The following ZFPM2 variants were observed in gnomAD, a reference collection of about 807,000 sequenced individuals.
The protein encoded by ZFPM2 is zinc finger protein, FOG family member 2.
ZFPM2 carries 20 observed loss-of-function variants against 98.6 expected under a neutral mutation model. The ratio of observed to expected loss-of-function variants is 0.20; its 90% CI spans 0.14 to 0.29. ZFPM2 has a LOEUF of 0.29. ZFPM2 is among the 10% of genes least tolerant of loss of function. The pLI is 1.00. For synonymous variants in ZFPM2, 518 were observed against 502.7 expected, an observed-to-expected ratio of 1.03 and a Z score of -0.41; for missense variants, 1,310 against 1,388.6, an observed-to-expected ratio of 0.94 and a Z score of 0.90.
chr8:105,617,641 G>A (rs1468593932), intron 4 of ZFPM2, among the ~76,000 whole-genome samples: 1 of 152,132 alleles, frequency 6.6e-6, no homozygotes, highest in African/African-American at 2.4e-5. Context: ...GTGAGGCTGT[G>A]TTATGGTGAG....
intron 5 of ZFPM2, among the ~76,000 whole-genome samples, chr8:105,680,730 T>C (rs1233467221): frequency 2.0e-5 from 3 of 152,178 alleles, no homozygotes; most frequent in Admixed American, 6.5e-5. Context: ...AAAGAATATC[T>C]TGGGTCCTTG....
chr8:105,373,218 A>T (rs1268760442), intron 1 of ZFPM2, among the ~76,000 whole-genome samples: 1 of 152,184 alleles, frequency 6.6e-6, no homozygotes, highest in Non-Finnish European at 1.5e-5. Context: ...AAGAGTCAAA[A>T]CAACCCATAT....
chr8:105,800,761 C>T (rs1447978400), intron 7 of ZFPM2, among the ~76,000 whole-genome samples: 3 of 152,108 alleles, frequency 2.0e-5, no homozygotes, highest in African/African-American at 7.2e-5. Flanking sequence ...TAATCAATTC[C>T]TTTAGCCTCC....
chr8:105,335,016 A>G (rs901048064), intron 1 of ZFPM2, among the ~76,000 whole-genome samples: 15 of 151,730 alleles, frequency 9.9e-5, no homozygotes, highest in African/African-American at 3.4e-4. Flanking sequence ...GAAAGGTTTT[A>G]ATTCATAAAT....
chr8:105,454,444 A>C (rs1586384610), intron 3 of ZFPM2, among the ~76,000 whole-genome samples: 1 of 152,260 alleles, frequency 6.6e-6, no homozygotes, highest in East Asian at 1.9e-4. Flanking sequence ...GCCCCACTGG[A>C]TGCTCCAATG....
chr8:105,723,320 A>G (rs1402386508), intron 5 of ZFPM2, among the ~76,000 whole-genome samples: 1 of 151,832 alleles, frequency 6.6e-6, no homozygotes. Flanking sequence ...ATGACGGCAT[A>G]TTCAGTGGTA....
chr8:105,778,651 A>T (rs759783927), intron 5 of ZFPM2, among the ~76,000 whole-genome samples: 1 of 152,198 alleles, frequency 6.6e-6, no homozygotes, highest in Non-Finnish European at 1.5e-5. Context: ...TCAGTTGACC[A>T]TCTTTTTCCA....
At chr8:105,538,816 A>G (rs934088556) in intron 3 of ZFPM2, among the ~76,000 whole-genome samples, 2 of 152,112 alleles carry the variant, frequency 1.3e-5, no homozygotes, top group Admixed American at 6.6e-5. Flanking sequence ...ATTTGAGACG[A>G]GCCTGGGCAG....
chr8:105,678,168 G>C (rs1201194795), intron 5 of ZFPM2, among the ~76,000 whole-genome samples: 1 of 152,146 alleles, frequency 6.6e-6, no homozygotes, highest in Non-Finnish European at 1.5e-5. Flanking sequence ...TGCAGTGAAA[G>C]AAAGAAGCAG....
chr8:105,716,714 T>C (rs559035074), intron 5 of ZFPM2, among the ~76,000 whole-genome samples: 1 of 152,116 alleles, frequency 6.6e-6, no homozygotes, highest in East Asian at 1.9e-4. Context: ...GGCCACCTCA[T>C]GTGCTTTTTC....
intron 3 of ZFPM2, among the ~76,000 whole-genome samples, chr8:105,455,664 T>TC (rs1309922221): frequency 1.3e-5 from 2 of 152,188 alleles, no homozygotes; most frequent in African/African-American, 4.8e-5. Flanking sequence ...ACTGGCCTTA[T>TC]CAAGAGATCA....
At chr8:105,441,155 A>G (rs547338645) in intron 2 of ZFPM2, among the ~76,000 whole-genome samples, 18 of 151,768 alleles carry the variant, frequency 1.2e-4, no homozygotes, top group African/African-American at 4.4e-4. Flanking sequence ...ACTCCATCTC[A>G]AAACAAAAAC....
intron 1 of ZFPM2, among the ~76,000 whole-genome samples, chr8:105,412,619 G>A (rs916061713): frequency 2.0e-5 from 3 of 151,530 alleles, no homozygotes; most frequent in African/African-American, 7.3e-5. Context: ...TAGATCCCCT[G>A]ATGCCACTAT....
intron 5 of ZFPM2, among the ~76,000 whole-genome samples, chr8:105,687,335 TA>T (rs1299662319): frequency 6.6e-6 from 1 of 152,180 alleles, no homozygotes; most frequent in Non-Finnish European, 1.5e-5. Flanking sequence ...TTAGACTGCT[TA>T]AAATGAGTTT....
chr8:105,352,058 G>A (rs571906075), intron 1 of ZFPM2, among the ~76,000 whole-genome samples: 6 of 152,118 alleles, frequency 3.9e-5, no homozygotes, highest in South Asian at 2.1e-4. Flanking sequence ...GTTGCATGCC[G>A]AAATGAGAAA....
intron 3 of ZFPM2, among the ~76,000 whole-genome samples, chr8:105,452,087 C>T (rs1189267388): frequency 1.3e-5 from 2 of 152,056 alleles, no homozygotes; most frequent in African/African-American, 4.8e-5. Flanking sequence ...GCTTTTACAT[C>T]CTCCATTCTA....
intron 3 of ZFPM2, among the ~76,000 whole-genome samples, chr8:105,526,249 C>T (rs1814170925): frequency 6.6e-6 from 1 of 152,032 alleles, no homozygotes; most frequent in African/African-American, 2.4e-5. Context: ...AATTAATATA[C>T]AAAATCATTC....
In ZFPM2 at chr8:105,801,125, T is replaced by A. The variant is rs767547233; in HGVS notation, c.1043T>A (p.Ile348Asn). 9.3e-6 allele frequency: 15 copies of A among 1,613,956 alleles called. No homozygotes were observed. The highest frequency in any genetic ancestry group is 1.3e-5 in the Non-Finnish European group (15 of 1,179,874). The change falls in exon 8 of 8, where the codon ATC becomes AAC. Residue 348 changes from isoleucine (I) to asparagine (N), a missense_variant. Coordinates refer to ENST00000407775, the MANE Select transcript of ZFPM2 (RefSeq NM_012082.4). ...TVCSYTADSV[I>N]NFHQHLFSHL... ...TGTAGCTACACTGCTGATTCCGTGA[T>A]CAACTTTCACCAACACCTGTTCTCC...
At chr8:105,411,825 G>A (rs970460569) in intron 1 of ZFPM2, among the ~76,000 whole-genome samples, 1 of 151,716 alleles carries the variant, frequency 6.6e-6, no homozygotes, top group Admixed American at 6.6e-5. Context: ...CAATGCCTGA[G>A]TTACTTCCTG....
Sources: gnomAD v4.1 joint callset for allele counts (sites outside exome capture counted in the v4.1 genomes callset) on GRCh38, gnomAD v4.1.1 for gene constraint, MANE v1.5 for transcripts, NCBI Gene and HGNC (gene_info 2026-07-23, HGNC 2026-07-21) for gene names.